The following TGDS variants were observed in gnomAD, a reference collection of about 807,000 sequenced individuals.
The protein encoded by TGDS is UDP-D-glucose 4,6-dehydratase.
TGDS carries 47 observed loss-of-function variants against 52.3 expected under a neutral mutation model. That is an observed-to-expected ratio of 0.90 (90% CI 0.71 to 1.15). TGDS has a LOEUF of 1.15. TGDS is among the 50% of genes most tolerant of loss of function. The pLI, the probability that TGDS is intolerant of heterozygous loss-of-function variation, is 0.00. For synonymous variants in TGDS, 115 were observed against 136.9 expected (o/e 0.84, Z 1.12); for missense variants, 375 against 418.4 (o/e 0.90, Z 0.90).
At position 94,574,481 on chromosome 13, in the gene TGDS, C is replaced by T. The variant is rs1185740862; in HGVS notation, c.*301G>A. On this transcript the variant is annotated 3_prime_UTR_variant, in exon 12 of 12. Transcript: ENST00000261296. Reference sequence around the variant, plus strand: ...TGCCTTCTCCCTAGCACCACTACCCCTCATGGTTGTCCGAATCAGGAGACT... The same window carrying T: ...TGCCTTCTCCCTAGCACCACTACCCTTCATGGTTGTCCGAATCAGGAGACT... 1.6e-5 allele frequency: 4 copies of T among 256,760 alleles called. No individual in the cohort carries two copies. The highest frequency in any genetic ancestry group is 2.9e-5 in the Non-Finnish European group (4 of 136,206). 15.9% of individuals were successfully genotyped at this position (256,760 alleles called of 1,614,324 possible). A position where few individuals can be genotyped will look rare whatever the true frequency, so the allele number is the denominator to read the frequency against.
At chr13:94,576,641 G>T (rs559954652) in intron 10 of TGDS, among the ~76,000 whole-genome samples, 1 of 151,136 alleles carries the variant, frequency 6.6e-6, no homozygotes, top group East Asian at 1.9e-4. Context: ...TCTTGTTTCA[G>T]CCACGATCTA....
chr13:94,574,874 CAAAA>C (rs748047100), intron 11 of TGDS, 22 bp from the exon 12 acceptor site: 1 of 980,272 alleles, frequency 1.0e-6, no homozygotes. Context: ...AAACAAAAGA[CAAAA>C]AAAAAAAAGA....
At chr13:94,590,059 T>G (rs982625016) in intron 4 of TGDS, among the ~76,000 whole-genome samples, 1 of 151,580 alleles carries the variant, frequency 6.6e-6, no homozygotes, top group African/African-American at 2.4e-5. Context: ...TATATGTATT[T>G]TTAGACTGGA....
chr13:94,579,223 T>C (rs760986434), intron 7 of TGDS: 2 of 153,078 alleles, frequency 1.3e-5, no homozygotes, highest in African/African-American at 4.8e-5. Context: ...GGTCATGACA[T>C]GGCCCTTTCC....
At chr13:94,578,205 T>TA (rs761281030) in intron 8 of TGDS, 35 bp from the exon 9 acceptor site, 2 of 1,603,566 alleles carry the variant, frequency 1.2e-6, no homozygotes, top group East Asian at 4.5e-5. Context: ...TCATAAAGTG[T>TA]AAAAAGGTAA....
At position 94,595,852 on chromosome 13, in the gene TGDS, AAAG is replaced by A. The variant is rs1490294730; in HGVS notation, c.86+196_86+198del. The stretch of plus-strand genomic sequence containing the variant: ...AACGCAGCTTTGGAAGAGGCGTTTT[AAAG>A]AAGTCAGTTTCAAAGGAACCACTTC... On this transcript the variant is annotated intron_variant, in intron 1 of 11. Transcript: ENST00000261296. 15 of 638,058 alleles carry A rather than the reference AAAG, an allele frequency of 2.4e-5. No individual in the cohort carries two copies. The East Asian group carries it at 3.9e-4, about 16-fold the overall frequency. The allele number at this position is 638,058 out of a possible 1,614,324, so 39.5% of individuals were successfully genotyped here.
At chr13:94,588,337 C>T (rs974421660) in intron 4 of TGDS, among the ~76,000 whole-genome samples, 9 of 141,800 alleles carry the variant, frequency 6.3e-5, no homozygotes, top group Non-Finnish European at 9.0e-5. Flanking sequence ...GCAGGAGAAT[C>T]GCTTGAATCT....
intron 1 of TGDS, among the ~76,000 whole-genome samples, chr13:94,595,164 G>A (rs1012298223): frequency 1.3e-5 from 2 of 152,202 alleles, no homozygotes; most frequent in African/African-American, 4.8e-5. Context: ...GGTGCAAACA[G>A]CCTAAGGAAA....
intron 4 of TGDS, among the ~76,000 whole-genome samples, chr13:94,585,256 G>A (rs1389161131): frequency 2.6e-5 from 4 of 151,840 alleles, no homozygotes; most frequent in African/African-American, 7.2e-5. Flanking sequence ...CCATGTTGGC[G>A]AGGCTGGTCT....
intron 6 of TGDS, 100 bp downstream of exon 6, chr13:94,580,991 T>G: frequency 1.4e-6 from 1 of 699,266 alleles, no homozygotes; most frequent in Non-Finnish European, 2.2e-6. Flanking sequence ...ATAGAAAACT[T>G]AAAAATATTT....
rs145935356 is a variant in TGDS at position 94,577,458 on chromosome 13, A to G, written c.826-29T>C. 1,814 of 1,526,746 alleles carry G rather than the reference A, an allele frequency of 1.2e-3. 19 individuals are homozygous for G. The African/African-American group carries it at 0.023, about 20-fold the overall frequency. 94.6% of individuals were successfully genotyped at this position (1,526,746 alleles called of 1,614,324 possible). On this transcript the variant is annotated intron_variant, in intron 9 of 11. Transcript: ENST00000261296. ...TCAAAATGGAAAAAGCTTTTGAGTC[A>G]AATTATAAAATGAGATCAGAGAATA...
At chr13:94,574,873 A>C (rs1594434958) in intron 11 of TGDS, 21 bp from the exon 12 acceptor site, 2 of 1,323,090 alleles carry the variant, frequency 1.5e-6, no homozygotes, top group Non-Finnish European at 2.0e-6. Flanking sequence ...AAAACAAAAG[A>C]CAAAAAAAAA....
At chr13:94,591,011 C>CTA (rs1455921696) in intron 3 of TGDS, 68 bp from the exon 4 acceptor site, 1 of 1,143,170 alleles carries the variant, frequency 8.7e-7, no homozygotes, top group African/African-American at 1.6e-5. Context: ...ACCATTTTTA[C>CTA]TATAGCATCC....
rs772737712 is a variant in TGDS, at chr13:94,578,048, A to T, written c.782T>A (p.Phe261Tyr). Residue 261 changes from phenylalanine (F) to tyrosine (Y), a missense_variant, in exon 9 of 12, where the codon TTT becomes TAT. Physicochemically the swap from Phe to Tyr is conservative, Grantham distance 22 (BLOSUM62 3). Coordinates refer to ENST00000261296, the MANE Select transcript of TGDS (RefSeq NM_014305.4). ...PGEIYNIGTN[F>Y]EMSVVQLAKE... ...GGCAAGCTGGACAACTGACATTTCA[A>T]AATTGGTTCCGATGTTATAAATTTC... The T allele has an allele frequency of 1.3e-5, 21 of 1,613,776 alleles. No individual in the cohort carries two copies. The highest frequency in any genetic ancestry group is 1.6e-5 in the Non-Finnish European group (19 of 1,179,876).
At chr13:94,586,748 ATTATTTT>A (rs869107858) in intron 4 of TGDS, among the ~76,000 whole-genome samples, 18,223 of 88,204 alleles carry the variant, frequency 0.21, 3,415 homozygotes, top group African/African-American at 0.48. Flanking sequence ...AAGAAATCAA[ATTATTTT>A]TTTTTTTTTT....
chr13:94,588,698 G>A (rs1889088315), intron 4 of TGDS, among the ~76,000 whole-genome samples: 1 of 152,178 alleles, frequency 6.6e-6, no homozygotes, highest in South Asian at 2.1e-4. Flanking sequence ...GACACAGCAA[G>A]TGTTGGCAAG....
At chr13:94,592,555 C>G (rs1889240151) in intron 2 of TGDS, among the ~76,000 whole-genome samples, 1 of 152,108 alleles carries the variant, frequency 6.6e-6, no homozygotes, top group Non-Finnish European at 1.5e-5. Flanking sequence ...CAGGTTCACG[C>G]CATTCTCCTG....
chr13:94,585,272 G>T (rs6492717), intron 4 of TGDS, among the ~76,000 whole-genome samples: 105,298 of 151,578 alleles, frequency 0.69, 37,174 homozygotes, highest in African/African-American at 0.82. Context: ...GGTCTTGAAC[G>T]CCTGACCTCA....
intron 1 of TGDS, among the ~76,000 whole-genome samples, chr13:94,595,711 G>A (rs989694670): frequency 6.6e-6 from 1 of 152,104 alleles, no homozygotes; most frequent in Non-Finnish European, 1.5e-5. Flanking sequence ...GGCCCATCGT[G>A]GGGTGTGGGT....
Sources: gnomAD v4.1 joint callset for allele counts (sites outside exome capture counted in the v4.1 genomes callset) on GRCh38, gnomAD v4.1.1 for gene constraint, MANE v1.5 for transcripts, NCBI Gene and HGNC (gene_info 2026-07-23, HGNC 2026-07-21) for gene names.